Variants in EGFLAM observed in about 807,000 individuals in gnomAD.
EGFLAM encodes the protein EGF like, fibronectin type III and laminin G domains.
In EGFLAM, 79 loss-of-function variants were observed where a neutral mutation model predicts 113.1. The ratio of observed to expected loss-of-function variants is 0.70; its 90% CI spans 0.58 to 0.84. The LOEUF is 0.84. Among genes scored for constraint, EGFLAM ranks in the 40% least tolerant of loss-of-function variants. The probability of loss-of-function intolerance (pLI) is 0.00; values close to 1 mark genes in which losing one functional copy is unlikely to be tolerated. For missense variants in EGFLAM, 1,265 were observed against 1,291.6 expected, an observed-to-expected ratio of 0.98 and a Z score of 0.32; for synonymous variants, 504 against 487.6, an observed-to-expected ratio of 1.03 and a Z score of -0.44.
intron 5 of EGFLAM, among the ~76,000 whole-genome samples, chr5:38,356,510 G>T (rs1408378057): frequency 6.6e-6 from 1 of 152,164 alleles, no homozygotes; most frequent in Non-Finnish European, 1.5e-5. Context: ...AAAATGACTG[G>T]TTGGGGACAG....
At chr5:38,378,247 TG>T (rs1740416164) in intron 6 of EGFLAM, among the ~76,000 whole-genome samples, 1 of 152,126 alleles carries the variant, frequency 6.6e-6, no homozygotes, top group Non-Finnish European at 1.5e-5. Context: ...CAGCTGTCGT[TG>T]GTTGTGTAAA....
intron 6 of EGFLAM, among the ~76,000 whole-genome samples, chr5:38,377,570 C>A (rs540809462): frequency 6.6e-6 from 1 of 152,158 alleles, no homozygotes; most frequent in African/African-American, 2.4e-5. Context: ...TTGGATAACT[C>A]CCTACTGCTA....
At chr5:38,374,785 C>G (rs1165805588) in intron 6 of EGFLAM, among the ~76,000 whole-genome samples, 1 of 152,194 alleles carries the variant, frequency 6.6e-6, no homozygotes, top group Non-Finnish European at 1.5e-5. Context: ...TGAATTCCTT[C>G]CCAAGGTTAG....
chr5:38,269,637 G>A (rs898859576), intron 1 of EGFLAM, among the ~76,000 whole-genome samples: 4 of 151,798 alleles, frequency 2.6e-5, no homozygotes, highest in Admixed American at 2.0e-4. Flanking sequence ...CTACAGGTGC[G>A]CGCCACCATG....
At chr5:38,315,618 A>G (rs1251169881) in intron 1 of EGFLAM, among the ~76,000 whole-genome samples, 2 of 152,216 alleles carry the variant, frequency 1.3e-5, no homozygotes, top group Non-Finnish European at 2.9e-5. Context: ...AAGAGAGAGC[A>G]CTAAAGAGCC....
intron 17 of EGFLAM, among the ~76,000 whole-genome samples, chr5:38,443,789 A>C (rs1176090387): frequency 9.0e-6 from 1 of 111,650 alleles, no homozygotes; most frequent in Non-Finnish European, 1.7e-5. Flanking sequence ...TTTTTTTTTG[A>C]GATGGAGTCT....
chr5:38,364,830 T>G (rs1385429680), intron 5 of EGFLAM, among the ~76,000 whole-genome samples: 2 of 152,164 alleles, frequency 1.3e-5, no homozygotes, highest in Non-Finnish European at 2.9e-5. Flanking sequence ...ATTCTGTTTA[T>G]GAGATGATGT....
chr5:38,438,250 T>C (rs1175735679), intron 16 of EGFLAM, 25 bp from the exon 17 acceptor site: 1 of 1,594,734 alleles, frequency 6.3e-7, no homozygotes, highest in African/African-American at 1.3e-5. Context: ...AATTCCTGAA[T>C]TTCTTTATGT....
At chr5:38,450,235 G>C (rs1160209427) in intron 18 of EGFLAM, among the ~76,000 whole-genome samples, 1 of 152,204 alleles carries the variant, frequency 6.6e-6, no homozygotes, top group Non-Finnish European at 1.5e-5. Context: ...GAAGGAACCT[G>C]AGCGAAAATC....
intron 6 of EGFLAM, among the ~76,000 whole-genome samples, chr5:38,382,633 G>A (rs1740540579): frequency 6.6e-6 from 1 of 152,134 alleles, no homozygotes; most frequent in South Asian, 2.1e-4. Flanking sequence ...TTAACCAATA[G>A]CCTATGTTGC....
intron 20 of EGFLAM, among the ~76,000 whole-genome samples, chr5:38,460,695 G>A (rs1743242592): frequency 6.6e-6 from 1 of 152,238 alleles, no homozygotes; most frequent in South Asian, 2.1e-4. Flanking sequence ...GATACTGTGA[G>A]TTGTGAGCAG....
chr5:38,289,279 C>CCA (rs1554045481), intron 1 of EGFLAM, among the ~76,000 whole-genome samples: 1 of 150,860 alleles, frequency 6.6e-6, no homozygotes, highest in Non-Finnish European at 1.5e-5. Flanking sequence ...TTCCCCGCCC[C>CCA]CACATTTCAG....
chr5:38,413,950 AATCTAATGGCACAGCTG>A (rs1741564499), intron 11 of EGFLAM, among the ~76,000 whole-genome samples: 1 of 152,156 alleles, frequency 6.6e-6, no homozygotes, highest in Non-Finnish European at 1.5e-5. Flanking sequence ...CTCCTGTAAG[AATCTAATGGCACAGCTG>A]ATCTGACAGA....
intron 2 of EGFLAM, among the ~76,000 whole-genome samples, chr5:38,337,942 G>A (rs957276388): frequency 7.2e-5 from 11 of 152,098 alleles, no homozygotes; most frequent in Admixed American, 2.0e-4. Context: ...GTAGGAACAC[G>A]GGAAACAGGA....
chr5:38,417,456 T>C (rs951421261), intron 11 of EGFLAM, among the ~76,000 whole-genome samples: 1 of 151,802 alleles, frequency 6.6e-6, no homozygotes, highest in African/African-American at 2.4e-5. Context: ...GCAATCCAGA[T>C]TGTGGTTTGG....
chr5:38,435,852 C>G (rs989585012), intron 16 of EGFLAM, among the ~76,000 whole-genome samples: 6 of 119,238 alleles, frequency 5.0e-5, no homozygotes, highest in Non-Finnish European at 8.0e-5. Flanking sequence ...GAGTCTCGCT[C>G]TGTCGCCCAG....
At chr5:38,463,395 A>C (rs775077667) in intron 21 of EGFLAM, among the ~76,000 whole-genome samples, 1 of 152,252 alleles carries the variant, frequency 6.6e-6, no homozygotes, top group Non-Finnish European at 1.5e-5. Flanking sequence ...CAGACACATA[A>C]AAATGAAAAG....
chr5:38,422,032 G>C (rs895687114), intron 12 of EGFLAM, among the ~76,000 whole-genome samples: 5 of 152,094 alleles, frequency 3.3e-5, no homozygotes, highest in Admixed American at 3.3e-4. Context: ...AACAGAGACG[G>C]ATCTGACAGA....
chr5:38,280,791 A>T (rs760844338), intron 1 of EGFLAM, among the ~76,000 whole-genome samples: 1 of 152,198 alleles, frequency 6.6e-6, no homozygotes, highest in African/African-American at 2.4e-5. Context: ...ATCCTAATTG[A>T]TACCTTTGGT....
Sources: gnomAD v4.1 joint callset for allele counts (sites outside exome capture counted in the v4.1 genomes callset) on GRCh38, gnomAD v4.1.1 for gene constraint, MANE v1.5 for transcripts, NCBI Gene and HGNC (gene_info 2026-07-23, HGNC 2026-07-21) for gene names.